Variants in TANC1 observed in about 807,000 individuals in gnomAD.
TANC1 encodes the protein protein TANC1.
TANC1 carries 77 observed loss-of-function variants against 149.7 expected under a neutral mutation model. The observed-to-expected ratio is 0.51, with a 90% CI of 0.43 to 0.62. The LOEUF (loss-of-function observed/expected upper bound fraction) is 0.62. Ranked by LOEUF, TANC1 falls within the 20% of genes least tolerant of loss-of-function variation. The probability of loss-of-function intolerance (pLI) is 0.00; values close to 1 mark genes in which losing one functional copy is unlikely to be tolerated. For missense variants in TANC1, 1,985 were observed against 2,321.8 expected (o/e 0.85, Z 2.98); for synonymous variants, 854 against 925.0 (o/e 0.92, Z 1.39).
chr2:159,179,482 C>T (rs897869630), intron 14 of TANC1, among the ~76,000 whole-genome samples: 1 of 151,970 alleles, frequency 6.6e-6, no homozygotes, highest in Non-Finnish European at 1.5e-5. Flanking sequence ...CCCCACCCAG[C>T]TTCTGCAGGA....
chr2:159,076,308 T>A (rs2043671895), intron 3 of TANC1, among the ~76,000 whole-genome samples: 1 of 152,236 alleles, frequency 6.6e-6, no homozygotes, highest in Admixed American at 6.5e-5. Flanking sequence ...GGTAAAAGTT[T>A]CTCTGCGTTG....
chr2:159,072,122 C>CA (rs1325588887), intron 3 of TANC1, among the ~76,000 whole-genome samples: 12 of 152,192 alleles, frequency 7.9e-5, no homozygotes, highest in Admixed American at 7.9e-4. Flanking sequence ...CCTGGGATTA[C>CA]AGGCATGTGC....
chr2:159,095,173 C>T (rs376095588), intron 3 of TANC1, among the ~76,000 whole-genome samples: 10 of 151,988 alleles, frequency 6.6e-5, no homozygotes, highest in African/African-American at 2.4e-4. Context: ...GTCTCGAACT[C>T]CTGACCTCGT....
intron 5 of TANC1, among the ~76,000 whole-genome samples, chr2:159,141,885 TAC>T (rs1317105339): frequency 6.6e-6 from 1 of 152,186 alleles, no homozygotes; most frequent in Non-Finnish European, 1.5e-5. Context: ...GTGTGTCTCT[TAC>T]AACAATTGCC....
At chr2:159,121,867 A>C (rs1408757414) in intron 4 of TANC1, among the ~76,000 whole-genome samples, 1 of 152,226 alleles carries the variant, frequency 6.6e-6, no homozygotes, top group Non-Finnish European at 1.5e-5. Context: ...TCTGCTTTAC[A>C]TAAGCAACAT....
chr2:159,224,522 A>G (rs1274473538), intron 23 of TANC1, 158 bp downstream of exon 23: 5 of 774,342 alleles, frequency 6.5e-6, no homozygotes, highest in Non-Finnish European at 8.1e-6. Context: ...ATTATACACA[A>G]TGTGTAAGTA....
At chr2:159,013,453 A>G (rs545788138) in intron 2 of TANC1, among the ~76,000 whole-genome samples, 3 of 152,302 alleles carry the variant, frequency 2.0e-5, no homozygotes, top group African/African-American at 7.2e-5. Flanking sequence ...GTTGACTGAT[A>G]AGCACAGAGT....
chr2:159,170,028 G>A (rs1373311873), intron 9 of TANC1, among the ~76,000 whole-genome samples: 5 of 151,814 alleles, frequency 3.3e-5, no homozygotes, highest in African/African-American at 4.8e-5. Context: ...TATTGGCCAT[G>A]TTCTCTGTCT....
intron 4 of TANC1, among the ~76,000 whole-genome samples, chr2:159,112,329 C>T (rs1485505834): frequency 2.6e-5 from 4 of 152,082 alleles, no homozygotes; most frequent in East Asian, 1.9e-4. Context: ...TTGCTCGGCT[C>T]ACTGCAACCT....
At chr2:159,197,749 A>G (rs1163114514) in intron 18 of TANC1, among the ~76,000 whole-genome samples, 1 of 152,090 alleles carries the variant, frequency 6.6e-6, no homozygotes, top group Non-Finnish European at 1.5e-5. Flanking sequence ...ATCCATGCTA[A>G]CCCCCTTGTT....
In TANC1 at chr2:158,981,491, TTATATATATATATATATATATATA is replaced by T. The variant is rs10602195; in HGVS notation, c.-126+12738_-126+12761del. On this transcript the variant is annotated intron_variant, in intron 1 of 26. Coordinates refer to ENST00000263635, the MANE Select transcript of TANC1 (RefSeq NM_033394.3). ...AAGTTTAGCAATTAATATATAGCTT[TTATATATATATATATATATATATA>T]TATATATATATATATATATATATAT... is the stretch of plus-strand genomic sequence containing the variant. Among the ~76,000 whole-genome samples the T allele has an allele frequency of 1.2e-3, 41 of 34,354 alleles. No individual in the cohort carries two copies. In the East Asian group the frequency reaches 0.014, roughly 12 times the overall value. The allele number at this position is 34,354 out of a possible 152,430, so 22.5% of individuals were successfully genotyped here. A position where few individuals can be genotyped will look rare whatever the true frequency, so the allele number is the denominator to read the frequency against.
intron 19 of TANC1, among the ~76,000 whole-genome samples, chr2:159,204,820 A>G (rs1331120577): frequency 6.6e-6 from 1 of 152,260 alleles, no homozygotes; most frequent in African/African-American, 2.4e-5. Context: ...TTTTATTGTC[A>G]AAGCTACTAT....
At chr2:159,135,659 C>T (rs985784671) in intron 4 of TANC1, among the ~76,000 whole-genome samples, 2 of 152,236 alleles carry the variant, frequency 1.3e-5, no homozygotes, top group African/African-American at 4.8e-5. Flanking sequence ...TGTGCGTCAC[C>T]AGCCAGATAA....
In TANC1 at chr2:159,190,664, G is replaced by A. The variant is rs570702623; in HGVS notation, c.2743-3593G>A. The stretch of plus-strand genomic sequence containing the variant: ...CCTCCTGGGTTCAAGTGATTCTCCT[G>A]CCTCAGCCTCCCGAGTAGCCGGGAT... On this transcript the variant is annotated intron_variant, in intron 16 of 26. Coordinates refer to ENST00000263635, the MANE Select transcript of TANC1 (RefSeq NM_033394.3). Among the ~76,000 whole-genome samples the A allele has an allele frequency of 1.8e-4, 28 of 152,246 alleles. 1 individual carries two copies. The South Asian group carries it at 5.8e-3, about 32-fold the overall frequency.
intron 4 of TANC1, among the ~76,000 whole-genome samples, chr2:159,126,057 C>T (rs1029207360): frequency 1.3e-5 from 2 of 152,116 alleles, no homozygotes; most frequent in Non-Finnish European, 1.5e-5. Flanking sequence ...CTTCTGCTTT[C>T]GAGGGTCTGT....
At chr2:159,171,717 T>A (rs1310895273) in intron 10 of TANC1, among the ~76,000 whole-genome samples, 1 of 150,164 alleles carries the variant, frequency 6.7e-6, no homozygotes, top group African/African-American at 2.4e-5. Flanking sequence ...ATTAGCTGGG[T>A]GTGGTGGCGG....
chr2:159,082,205 G>C (rs1396901239), intron 3 of TANC1, among the ~76,000 whole-genome samples: 1 of 152,142 alleles, frequency 6.6e-6, no homozygotes, highest in Non-Finnish European at 1.5e-5. Context: ...AGGCCCCTTG[G>C]GTGTCTGAAC....
At chr2:159,228,282 G>A (rs1449418566) in intron 25 of TANC1, 2 of 339,772 alleles carry the variant, frequency 5.9e-6, no homozygotes, top group East Asian at 6.8e-5. Flanking sequence ...CCGGATTCAG[G>A]AGAGTCCAAC....
chr2:159,147,021 C>CG (rs2052202058), intron 5 of TANC1, among the ~76,000 whole-genome samples: 2 of 152,112 alleles, frequency 1.3e-5, no homozygotes, highest in African/African-American at 4.8e-5. Context: ...TGGGGTGTTG[C>CG]GGTCCCCCTG....
Sources: gnomAD v4.1 joint callset for allele counts (sites outside exome capture counted in the v4.1 genomes callset) on GRCh38, gnomAD v4.1.1 for gene constraint, MANE v1.5 for transcripts, NCBI Gene and HGNC (gene_info 2026-07-23, HGNC 2026-07-21) for gene names.